SORCS3: variants seen among roughly 807,000 people sequenced by gnomAD.
SORCS3 encodes the protein VPS10 domain-containing receptor SorCS3.
SORCS3 carries 57 observed loss-of-function variants against 146.3 expected under a neutral mutation model. The ratio of observed to expected loss-of-function variants is 0.39; its 90% CI spans 0.31 to 0.49. The LOEUF is 0.49. Ranked by LOEUF, SORCS3 falls within the 20% of genes least tolerant of loss-of-function variation. The pLI, the probability that SORCS3 is intolerant of heterozygous loss-of-function variation, is 0.92. For synonymous variants in SORCS3, 653 were observed against 618.5 expected (o/e 1.06, Z -0.83); for missense variants, 1,341 against 1,575.5 (o/e 0.85, Z 2.52).
At chr10:104,950,831 A>G (rs2019420829) in intron 3 of SORCS3, among the ~76,000 whole-genome samples, 1 of 152,256 alleles carries the variant, frequency 6.6e-6, no homozygotes. Flanking sequence ...ATTCCTATAC[A>G]CAAGAACATT....
intron 3 of SORCS3, among the ~76,000 whole-genome samples, chr10:104,940,381 A>G (rs1487303459): frequency 1.4e-5 from 2 of 138,026 alleles, no homozygotes; most frequent in African/African-American, 5.2e-5. Flanking sequence ...TCCTAATGCT[A>G]TCTCTCCCCC....
intron 1 of SORCS3, among the ~76,000 whole-genome samples, chr10:104,660,951 A>G (rs963739304): frequency 2.0e-5 from 3 of 152,122 alleles, no homozygotes; most frequent in Admixed American, 6.5e-5. Context: ...GTTTAAGCGG[A>G]GGGGCAATTG....
At chr10:104,796,274 GA>G (rs1406462359) in intron 1 of SORCS3, among the ~76,000 whole-genome samples, 11 of 152,210 alleles carry the variant, frequency 7.2e-5, no homozygotes, top group African/African-American at 2.7e-4. Context: ...CAGAGTGTAA[GA>G]ATTGTTCATC....
intron 9 of SORCS3, among the ~76,000 whole-genome samples, chr10:105,153,647 G>A (rs529486986): frequency 3.2e-5 from 2 of 63,380 alleles, no homozygotes; most frequent in African/African-American, 3.6e-4. Flanking sequence ...GTGTGTGTAT[G>A]TGTGTGTGTG....
chr10:105,009,491 T>C (rs773466929), intron 4 of SORCS3, among the ~76,000 whole-genome samples: 1 of 144,434 alleles, frequency 6.9e-6, no homozygotes, highest in Non-Finnish European at 1.5e-5. Context: ...CAATAGATCT[T>C]CTTCCCTGTA....
At chr10:104,940,238 A>ATATTTTTTTTTT in intron 3 of SORCS3, among the ~76,000 whole-genome samples, 1 of 31,506 alleles carries the variant, frequency 3.2e-5, no homozygotes, top group South Asian at 2.0e-3. Flanking sequence ...ATATATATAT[A>ATATTTTTTTTTT]TTTTTTTTTT....
rs769472233 is a variant in SORCS3, at chr10:104,960,038, G to A, written c.796-17297G>A. Among the ~76,000 whole-genome samples the A allele has an allele frequency of 7.9e-5, 12 of 152,174 alleles. No individual in the cohort carries two copies. The South Asian group carries it at 1.5e-3, about 18-fold the overall frequency. ...CAGCAGCAAGTTGCCCTTGTTCTGC[G>A]TTGATCACATCTAGCATTTAGATGT... On this transcript the variant is annotated intron_variant, in intron 3 of 26. Transcript: ENST00000369701.
chr10:105,151,794 C>T (rs920261782), intron 9 of SORCS3, among the ~76,000 whole-genome samples: 5 of 152,016 alleles, frequency 3.3e-5, no homozygotes, highest in African/African-American at 1.2e-4. Context: ...TAGAGAGATT[C>T]TCCTGCTTGT....
At chr10:104,973,179 AG>A (rs1384656706) in intron 3 of SORCS3, among the ~76,000 whole-genome samples, 4 of 152,100 alleles carry the variant, frequency 2.6e-5, no homozygotes, top group Non-Finnish European at 4.4e-5. Context: ...GTCTCTGCCC[AG>A]CTTTGGTATG....
At chr10:104,717,776 C>T (rs1278953522) in intron 1 of SORCS3, among the ~76,000 whole-genome samples, 4 of 152,168 alleles carry the variant, frequency 2.6e-5, no homozygotes, top group African/African-American at 9.7e-5. Flanking sequence ...TTATGTTAAT[C>T]ATAAGTCTTA....
intron 5 of SORCS3, among the ~76,000 whole-genome samples, chr10:105,089,124 C>G (rs2055683755): frequency 6.6e-6 from 1 of 152,170 alleles, no homozygotes; most frequent in Non-Finnish European, 1.5e-5. Flanking sequence ...ATTCTCAGGC[C>G]TCCATCTTCT....
At chr10:105,114,587 G>A (rs2055881068) in intron 7 of SORCS3, among the ~76,000 whole-genome samples, 1 of 152,108 alleles carries the variant, frequency 6.6e-6, no homozygotes, top group Non-Finnish European at 1.5e-5. Flanking sequence ...TTGGCCACTT[G>A]AGCCTGGGAG....
chr10:105,083,561 C>A (rs1044753118), intron 5 of SORCS3, among the ~76,000 whole-genome samples: 17 of 152,084 alleles, frequency 1.1e-4, no homozygotes, highest in African/African-American at 3.9e-4. Flanking sequence ...CATGCCTCAC[C>A]TCATTCTATC....
chr10:104,857,565 A>G (rs142946625), intron 2 of SORCS3, among the ~76,000 whole-genome samples: 14 of 152,312 alleles, frequency 9.2e-5, no homozygotes, highest in African/African-American at 1.7e-4. Flanking sequence ...CTGATGTTCA[A>G]TGCATCCAAA....
At chr10:105,129,280 C>A (rs2864038) in intron 7 of SORCS3, among the ~76,000 whole-genome samples, 4,061 of 148,618 alleles carry the variant, frequency 0.027, 100 homozygotes, top group East Asian at 0.15. Context: ...GCAATATCTT[C>A]TTTAACCTCC....
chr10:105,115,920 A>T (rs2055890704), intron 7 of SORCS3, among the ~76,000 whole-genome samples: 1 of 152,224 alleles, frequency 6.6e-6, no homozygotes, highest in Admixed American at 6.5e-5. Context: ...ACGGGAGTTT[A>T]AAGCAAAATG....
intron 1 of SORCS3, among the ~76,000 whole-genome samples, chr10:104,764,746 G>A (rs1468285351): frequency 6.6e-6 from 1 of 152,084 alleles, no homozygotes; most frequent in Non-Finnish European, 1.5e-5. Flanking sequence ...CACCCAGCAG[G>A]CTCTAGGAAT....
intron 16 of SORCS3, among the ~76,000 whole-genome samples, chr10:105,205,109 T>G (rs1240002484): frequency 1.3e-5 from 2 of 152,164 alleles, no homozygotes; most frequent in African/African-American, 4.8e-5. Context: ...CAAGTTCATT[T>G]GATTGATCTA....
At chr10:104,772,017 A>G (rs2017255183) in intron 1 of SORCS3, among the ~76,000 whole-genome samples, 6 of 152,064 alleles carry the variant, frequency 3.9e-5, no homozygotes, top group Admixed American at 3.9e-4. Context: ...ATCTGGGTGC[A>G]GGGAGGGGCC....
Sources: gnomAD v4.1 joint callset for allele counts (sites outside exome capture counted in the v4.1 genomes callset) on GRCh38, gnomAD v4.1.1 for gene constraint, MANE v1.5 for transcripts, NCBI Gene and HGNC (gene_info 2026-07-23, HGNC 2026-07-21) for gene names.